The following PTPRD variants were observed in gnomAD, a reference collection of about 807,000 sequenced individuals.
PTPRD encodes the protein protein tyrosine phosphatase receptor type D, also known as receptor-type tyrosine-protein phosphatase delta.
In PTPRD, 34 loss-of-function variants were observed where a neutral mutation model predicts 214.5. The ratio of observed to expected loss-of-function variants is 0.16; its 90% CI spans 0.12 to 0.21. The LOEUF (loss-of-function observed/expected upper bound fraction) is 0.21, where lower values mean the gene tolerates loss of function less well. PTPRD is among the 10% of genes least tolerant of loss of function. PTPRD has a pLI of 1.00. For synonymous variants in PTPRD, 1,128 were observed against 845.7 expected, an observed-to-expected ratio of 1.33 and a Z score of -5.79; for missense variants, 2,545 against 2,398.7, an observed-to-expected ratio of 1.06 and a Z score of -1.27.
At chr9:9,739,195 T>G (rs1211390879) in intron 6 of PTPRD, among the ~76,000 whole-genome samples, 1 of 152,204 alleles carries the variant, frequency 6.6e-6, no homozygotes, top group Non-Finnish European at 1.5e-5. Flanking sequence ...CATTCACGCA[T>G]TTACCAAGAC....
intron 11 of PTPRD, chr9:8,857,617 G>C (rs1162682986): frequency 6.5e-6 from 1 of 153,490 alleles, no homozygotes; most frequent in African/African-American, 2.4e-5. Flanking sequence ...GGGGCGGACG[G>C]GGTCAGTTCC....
intron 4 of PTPRD, among the ~76,000 whole-genome samples, chr9:9,969,691 G>A (rs1032507063): frequency 6.6e-6 from 1 of 152,190 alleles, no homozygotes; most frequent in Non-Finnish European, 1.5e-5. Context: ...GCCCCTGGAT[G>A]ACTTCTCTGA....
At chr9:10,511,639 C>T (rs1203903965) in intron 2 of PTPRD, among the ~76,000 whole-genome samples, 1 of 147,426 alleles carries the variant, frequency 6.8e-6, no homozygotes, top group Non-Finnish European at 1.5e-5. Context: ...TGGTCTTGAA[C>T]TCCTGACCTC....
intron 2 of PTPRD, among the ~76,000 whole-genome samples, chr9:10,398,995 T>A (rs1276892744): frequency 1.3e-5 from 2 of 152,026 alleles, no homozygotes; most frequent in African/African-American, 4.8e-5. Flanking sequence ...TCTGGCATGA[T>A]GAGAATGTCT....
intron 7 of PTPRD, among the ~76,000 whole-genome samples, chr9:9,619,910 A>G (rs1050496696): frequency 6.6e-6 from 1 of 150,668 alleles, no homozygotes; most frequent in African/African-American, 2.4e-5. Context: ...TTCAGTATAG[A>G]AGTATATATG....
intron 8 of PTPRD, among the ~76,000 whole-genome samples, chr9:9,401,711 C>A (rs1273211381): frequency 6.6e-6 from 1 of 151,884 alleles, no homozygotes; most frequent in East Asian, 1.9e-4. Context: ...CCATAATCCC[C>A]ATGTGTCCTG....
At chr9:8,382,077 C>T (rs1228724613) in intron 37 of PTPRD, among the ~76,000 whole-genome samples, 1 of 152,162 alleles carries the variant, frequency 6.6e-6, no homozygotes, top group African/African-American at 2.4e-5. Context: ...CCAGCAGTTG[C>T]CTTTGACTCC....
chr9:9,833,817 G>A (rs373516394), intron 5 of PTPRD, among the ~76,000 whole-genome samples: 7 of 152,094 alleles, frequency 4.6e-5, no homozygotes, highest in African/African-American at 1.7e-4. Context: ...GTTCTGCCCG[G>A]CTCACCGGTG....
intron 6 of PTPRD, among the ~76,000 whole-genome samples, chr9:9,744,472 C>G (rs1240844080): frequency 6.6e-6 from 1 of 152,060 alleles, no homozygotes; most frequent in African/African-American, 2.4e-5. Context: ...AGTGAGCTTA[C>G]AGAACTTACC....
chr9:9,803,399 G>A (rs1291426680), intron 5 of PTPRD, among the ~76,000 whole-genome samples: 1 of 151,826 alleles, frequency 6.6e-6, no homozygotes, highest in Admixed American at 6.6e-5. Flanking sequence ...TCATTAGATT[G>A]CTTCAGTATC....
intron 3 of PTPRD, among the ~76,000 whole-genome samples, chr9:10,140,090 T>TGAAGAAGCTCTCTTGCTGA (rs1457622651): frequency 3.3e-5 from 5 of 151,880 alleles, no homozygotes; most frequent in African/African-American, 1.2e-4. Flanking sequence ...TCTCTTGATG[T>TGAAGAAGCTCTCTTGCTGA]GAAGAAGCTC....
intron 3 of PTPRD, among the ~76,000 whole-genome samples, chr9:10,087,212 TTAAAC>T (rs1180576239): frequency 2.0e-5 from 3 of 151,600 alleles, no homozygotes; most frequent in East Asian, 1.9e-4. Flanking sequence ...TACACTTTTC[TTAAAC>T]TAAACTTTAT....
intron 9 of PTPRD, among the ~76,000 whole-genome samples, chr9:9,220,793 G>T (rs1355004124): frequency 6.6e-6 from 1 of 152,030 alleles, no homozygotes; most frequent in Non-Finnish European, 1.5e-5. Context: ...TGTCCCCACG[G>T]CCATTTTGTA....
At chr9:10,274,081 G>T (rs559409867) in intron 3 of PTPRD, among the ~76,000 whole-genome samples, 1 of 152,146 alleles carries the variant, frequency 6.6e-6, no homozygotes, top group South Asian at 2.1e-4. Context: ...GTTTCTTCAG[G>T]TGTAAATGAA....
intron 8 of PTPRD, among the ~76,000 whole-genome samples, chr9:9,490,796 C>A (rs1010739734): frequency 2.6e-5 from 4 of 151,428 alleles, no homozygotes; most frequent in Non-Finnish European, 5.9e-5. Context: ...GACAGTGATG[C>A]AGGAAATGAG....
At chr9:9,768,412 T>C (rs879791308) in intron 5 of PTPRD, among the ~76,000 whole-genome samples, 1 of 152,200 alleles carries the variant, frequency 6.6e-6, no homozygotes, top group Non-Finnish European at 1.5e-5. Flanking sequence ...TTATGTCTTA[T>C]TCATAAATGA....
chr9:10,495,506 T>G (rs2041792104), intron 2 of PTPRD, among the ~76,000 whole-genome samples: 1 of 151,876 alleles, frequency 6.6e-6, no homozygotes, highest in South Asian at 2.1e-4. Flanking sequence ...CCTAGAATTA[T>G]CCTCTCTGAT....
rs185879794 is a variant in PTPRD, at chr9:9,330,149, C to G, written c.-203+67300G>C. 2.6e-3 allele frequency among the ~76,000 whole-genome samples: 389 copies of G among 152,182 alleles called. 2 individuals are homozygous for G. Among genetic ancestry groups the G allele is most frequent in the Middle Eastern group, 6.8e-3 (2 of 294 alleles). On this transcript the variant is annotated intron_variant, in intron 9 of 45. Transcript: ENST00000381196. ...CTCCAGACCCTGCCATGCCATCTGACCCCCTGCTTCTCTTTTCTCCTTATC... is the reference window on the plus strand; with the variant it reads ...CTCCAGACCCTGCCATGCCATCTGAGCCCCTGCTTCTCTTTTCTCCTTATC...
At position 10,560,192 on chromosome 9, in the gene PTPRD, A is replaced by C. The variant is rs1325965378; in HGVS notation, c.-600+52206T>G. On this transcript the variant is annotated intron_variant, in intron 2 of 45. Transcript: ENST00000381196. ...ATCAATGATAGAATGGATTAAGAAA[A>C]TGTGGCACATATACACCATGGAATA... Among the ~76,000 whole-genome samples the C allele has an allele frequency of 2.6e-5, 4 of 152,330 alleles. No individual in the cohort carries two copies. The East Asian group carries it at 7.7e-4, about 29-fold the overall frequency.
Sources: gnomAD v4.1 joint callset for allele counts (sites outside exome capture counted in the v4.1 genomes callset) on GRCh38, gnomAD v4.1.1 for gene constraint, MANE v1.5 for transcripts, NCBI Gene and HGNC (gene_info 2026-07-23, HGNC 2026-07-21) for gene names.